The following CATSPERE variants were observed in gnomAD, a reference collection of about 807,000 sequenced individuals.
The protein encoded by CATSPERE is catsper channel auxiliary subunit epsilon.
CATSPERE carries 93 observed loss-of-function variants against 114.1 expected under a neutral mutation model. The ratio of observed to expected loss-of-function variants is 0.81; its 90% CI spans 0.69 to 0.97. The LOEUF (loss-of-function observed/expected upper bound fraction) is 0.97. Among genes scored for constraint, CATSPERE ranks in the 50% least tolerant of loss-of-function variants. The pLI, the probability that CATSPERE is intolerant of heterozygous loss-of-function variation, is 0.00. For missense variants in CATSPERE, 1,058 were observed against 1,131.6 expected (o/e 0.93, Z 0.93); for synonymous variants, 341 against 384.1 (o/e 0.89, Z 1.31).
At chr1:244,618,243 C>T (rs1170772929) in intron 20 of CATSPERE, among the ~76,000 whole-genome samples, 1 of 152,046 alleles carries the variant, frequency 6.6e-6, no homozygotes, top group African/African-American at 2.4e-5. Flanking sequence ...CGGAATGGAG[C>T]TAAACGTTAG....
At chr1:244,460,206 G>C (rs1194282867), upstream of CATSPERE, among the ~76,000 whole-genome samples, 1 of 152,216 alleles carries the variant, frequency 6.6e-6, no homozygotes, top group African/African-American at 2.4e-5. Context: ...CTTGCCTGGA[G>C]ACTAGATTGC....
At chr1:244,571,140 T>C (rs1664393243) in intron 10 of CATSPERE, among the ~76,000 whole-genome samples, 1 of 152,286 alleles carries the variant, frequency 6.6e-6, no homozygotes, top group Non-Finnish European at 1.5e-5. Flanking sequence ...TATGTTATTA[T>C]GTCATCCATT....
chr1:244,569,043 GGTTCCTCATGGAGGAACCAGACT>G (rs546665927), intron 10 of CATSPERE, among the ~76,000 whole-genome samples: 65 of 152,132 alleles, frequency 4.3e-4, no homozygotes, highest in Non-Finnish European at 7.8e-4. Context: ...AAAGACCGTG[GGTTCCTCATGGAGGAACCAGACT>G]GTTCCTCATG....
chr1:244,457,322 T>C (rs1404840591), upstream of CATSPERE, among the ~76,000 whole-genome samples: 1 of 152,204 alleles, frequency 6.6e-6, no homozygotes, highest in African/African-American at 2.4e-5. Flanking sequence ...TTTATGAAAA[T>C]CTTACCTTAT....
chr1:244,485,813 C>T (rs1218940710), intron 5 of CATSPERE, among the ~76,000 whole-genome samples: 1 of 151,500 alleles, frequency 6.6e-6, no homozygotes, highest in African/African-American at 2.4e-5. Context: ...CCTCCCACCT[C>T]TACCTCCTGA....
intron 2 of CATSPERE, among the ~76,000 whole-genome samples, chr1:244,466,810 C>T (rs1002325794): frequency 6.6e-6 from 1 of 152,138 alleles, no homozygotes; most frequent in African/African-American, 2.4e-5. Context: ...CAAGTCTCTC[C>T]CAGTACCTAA....
At chr1:244,531,011 C>T (rs1679495214) in intron 8 of CATSPERE, among the ~76,000 whole-genome samples, 1 of 151,838 alleles carries the variant, frequency 6.6e-6, no homozygotes, top group Non-Finnish European at 1.5e-5. Context: ...AGGCAGATCA[C>T]CAGGTCAGGA....
chr1:244,597,532 TTC>T (rs1161045893), intron 17 of CATSPERE, among the ~76,000 whole-genome samples: 42 of 49,000 alleles, frequency 8.6e-4, no homozygotes, highest in Admixed American at 1.0e-3. Context: ...CCTCCCTGAT[TTC>T]TTTTTTTTTT....
rs563729432 is a variant in CATSPERE, at chr1:244,491,148, T to C, written c.351+677T>C. Among the ~76,000 whole-genome samples the C allele has an allele frequency of 7.3e-3, 1,117 of 152,164 alleles. 7 individuals are homozygous for C. The highest frequency in any genetic ancestry group is 8.7e-3 in the Non-Finnish European group (594 of 67,992). On this transcript the variant is annotated intron_variant, in intron 6 of 21. Transcript: ENST00000366534. ...ACAAATCAACAGAATATACATTTTT[T>C]TCAGCACCACACCACACCTATTCCA...
chr1:244,485,526 T>C (rs1057229816), intron 5 of CATSPERE, among the ~76,000 whole-genome samples: 13 of 152,062 alleles, frequency 8.5e-5, no homozygotes, highest in African/African-American at 3.1e-4. Flanking sequence ...TTTTTCTTTC[T>C]AGATTTTCTT....
At chr1:244,611,797 G>T (rs1234544825) in intron 19 of CATSPERE, among the ~76,000 whole-genome samples, 1 of 152,084 alleles carries the variant, frequency 6.6e-6, no homozygotes, top group Non-Finnish European at 1.5e-5. Flanking sequence ...AGATTCTGCC[G>T]AAATAACATA....
At chr1:244,571,858 T>G (rs1195020275) in intron 10 of CATSPERE, among the ~76,000 whole-genome samples, 1 of 152,150 alleles carries the variant, frequency 6.6e-6, no homozygotes, top group Admixed American at 6.6e-5. Flanking sequence ...CTTCCTTTTC[T>G]TATAAGGGCG....
At chr1:244,523,790 G>A (rs201682952) in intron 8 of CATSPERE, among the ~76,000 whole-genome samples, 70 of 126,214 alleles carry the variant, frequency 5.5e-4, no homozygotes, top group African/African-American at 1.3e-3. Context: ...GGGATGTGAA[G>A]GACCTCTTCA....
intron 17 of CATSPERE, among the ~76,000 whole-genome samples, chr1:244,594,506 C>T (rs753193863): frequency 3.3e-5 from 5 of 152,032 alleles, no homozygotes; most frequent in Admixed American, 6.6e-5. Context: ...ACGAGGTAAA[C>T]GACTCACATT....
At chr1:244,451,863 G>C, upstream of CATSPERE, 1 of 1,500,952 alleles carries the variant, frequency 6.7e-7, no homozygotes, top group East Asian at 2.5e-5. The surrounding 1 kb of genome is among the most constrained non-coding windows in gnomAD (Gnocchi z 6.6). Flanking sequence ...CGGCCGGCGA[G>C]GAGTGAGCGA....
At chr1:244,583,997 A>T in intron 13 of CATSPERE, 58 bp downstream of exon 13, 1 of 1,395,784 alleles carries the variant, frequency 7.2e-7, no homozygotes, top group East Asian at 2.3e-5. Flanking sequence ...TAGGCGGTCA[A>T]CCAAATAATG....
At chr1:244,632,780 ACT>A (rs756573232) in intron 20 of CATSPERE, among the ~76,000 whole-genome samples, 11 of 152,312 alleles carry the variant, frequency 7.2e-5, no homozygotes, top group East Asian at 1.9e-4. Flanking sequence ...TGTAGATTTA[ACT>A]CTAACGATAT....
intron 7 of CATSPERE, among the ~76,000 whole-genome samples, chr1:244,500,585 CATTT>C (rs1446831506): frequency 6.6e-6 from 1 of 152,132 alleles, no homozygotes; most frequent in Non-Finnish European, 1.5e-5. Context: ...TTCCCAGTAT[CATTT>C]ATTAAATAGG....
intron 5 of CATSPERE, 32 bp from the exon 6 acceptor site, chr1:244,490,415 T>C (rs1441361448): frequency 6.1e-6 from 9 of 1,481,528 alleles, no homozygotes; most frequent in African/African-American, 5.6e-5. Context: ...ACAGGCTGTT[T>C]ACTAAAATAT....
Sources: allele counts gnomAD v4.1 joint callset (sites outside exome capture counted in the v4.1 genomes callset), GRCh38; gene constraint gnomAD v4.1.1; non-coding constraint Gnocchi (gnomAD v3.1); transcripts MANE v1.5; gene names NCBI Gene and HGNC (gene_info 2026-07-23, HGNC 2026-07-21).